Variants in SEMA3A observed in about 807,000 individuals in gnomAD.
SEMA3A encodes the protein semaphorin 3A.
In SEMA3A, 29 loss-of-function variants were observed where a neutral mutation model predicts 97.9. The observed-to-expected ratio is 0.30, with a 90% CI of 0.22 to 0.40. The LOEUF (loss-of-function observed/expected upper bound fraction) is 0.40. Among genes scored for constraint, SEMA3A ranks in the 10% least tolerant of loss-of-function variants. The pLI is 1.00. For missense variants in SEMA3A, 763 were observed against 951.3 expected (o/e 0.80, Z 2.60); for synonymous variants, 321 against 323.7 (o/e 0.99, Z 0.09).
intron 1 of SEMA3A, among the ~76,000 whole-genome samples, chr7:84,393,795 A>G (rs1646642924): frequency 6.6e-6 from 1 of 152,114 alleles, no homozygotes; most frequent in South Asian, 2.1e-4. Flanking sequence ...TGTATCTTCC[A>G]TGAAAAATGA....
At chr7:84,249,066 G>C (rs1799539099) in intron 3 of SEMA3A, among the ~76,000 whole-genome samples, 1 of 152,126 alleles carries the variant, frequency 6.6e-6, no homozygotes, top group Non-Finnish European at 1.5e-5. Context: ...TCGCTTCCCT[G>C]TTTCAGAAGA....
intron 3 of SEMA3A, among the ~76,000 whole-genome samples, chr7:84,255,695 T>C (rs1261850684): frequency 1.3e-5 from 2 of 152,064 alleles, no homozygotes; most frequent in African/African-American, 4.8e-5. Flanking sequence ...ACATTCATTA[T>C]CAGCCTCATT....
intron 2 of SEMA3A, among the ~76,000 whole-genome samples, chr7:84,313,315 G>A (rs1308159073): frequency 4.9e-5 from 6 of 122,126 alleles, no homozygotes; most frequent in African/African-American, 9.5e-5. Flanking sequence ...TATTATATAC[G>A]TGTGTATATA....
chr7:84,249,368 C>CTATCTATCTATCT (rs141713074), intron 3 of SEMA3A, among the ~76,000 whole-genome samples: 1 of 143,140 alleles, frequency 7.0e-6, no homozygotes, highest in Non-Finnish European at 1.5e-5. Flanking sequence ...CTCTGTCTAT[C>CTATCTATCTATCT]ATCTATCTAT....
At chr7:84,488,304 G>C (rs1806631570) in intron 1 of SEMA3A, among the ~76,000 whole-genome samples, 1 of 131,282 alleles carries the variant, frequency 7.6e-6, no homozygotes, top group South Asian at 2.4e-4. Flanking sequence ...TTCCAGCTAT[G>C]TTTCTTCGTA....
chr7:84,011,500 C>CT (rs1436993933), intron 7 of SEMA3A, among the ~76,000 whole-genome samples: 1 of 151,970 alleles, frequency 6.6e-6, no homozygotes, highest in African/African-American at 2.4e-5. Context: ...GCTTTTTTGA[C>CT]TTTTTAAGGG....
chr7:84,401,891 T>A (rs1420830633), intron 1 of SEMA3A, among the ~76,000 whole-genome samples: 1 of 152,116 alleles, frequency 6.6e-6, no homozygotes, highest in East Asian at 1.9e-4. Flanking sequence ...GACCTGAAAC[T>A]ATGAAACTAT....
chr7:84,098,674 TG>T (rs1208488076), intron 4 of SEMA3A, among the ~76,000 whole-genome samples: 5 of 152,256 alleles, frequency 3.3e-5, no homozygotes, highest in African/African-American at 1.2e-4. Flanking sequence ...CAAATTGTAA[TG>T]GATTTAACTT....
chr7:84,026,350 C>T (rs1231410958), intron 6 of SEMA3A, among the ~76,000 whole-genome samples: 1 of 152,130 alleles, frequency 6.6e-6, no homozygotes, highest in East Asian at 1.9e-4. Context: ...TACCAATTCT[C>T]TACTAATAAT....
At chr7:84,030,782 CCTAG>C (rs1791717655) in intron 6 of SEMA3A, among the ~76,000 whole-genome samples, 1 of 152,038 alleles carries the variant, frequency 6.6e-6, no homozygotes, top group Admixed American at 6.6e-5. Flanking sequence ...TTCTTCTTCT[CCTAG>C]CTAACATATT....
Position 83,961,565 on chromosome 7 carries a change from G to T in SEMA3A, c.2122C>A (p.Gln708Lys), listed in dbSNP as rs1215402051. The T allele has an allele frequency of 6.2e-7, 1 of 1,614,084 alleles. No homozygotes were observed. The highest frequency in any genetic ancestry group is 8.5e-7 in the Non-Finnish European group (1 of 1,179,972). Residue 708 changes from glutamine to lysine, a missense_variant, in exon 17 of 17, where the codon CAG becomes AAG. Around this residue, in one of 2 missense-constraint regions of SEMA3A, gnomAD observed 678 missense variants for 881.3 expected, o/e 0.77. Transcript: ENST00000265362. ...TTGAGATTGGGGTGGTTGATGAGCT[G>T]CATGAAGTCTCTGTACCAGACCTTC... is the stretch of plus-strand genomic sequence containing the variant. Reference protein sequence around the residue: ...SQKVWYRDFMQLINHPNLNTM... With the variant: ...SQKVWYRDFMKLINHPNLNTM...
At chr7:84,015,219 C>T (rs572186173) in intron 6 of SEMA3A, among the ~76,000 whole-genome samples, 2 of 151,770 alleles carry the variant, frequency 1.3e-5, no homozygotes, top group East Asian at 3.9e-4. Context: ...GTCTCCCCTG[C>T]CACCCCAGTG....
intron 3 of SEMA3A, among the ~76,000 whole-genome samples, chr7:84,224,218 C>T (rs1198841005): frequency 6.6e-6 from 1 of 151,876 alleles, no homozygotes; most frequent in Non-Finnish European, 1.5e-5. Flanking sequence ...ATTAAAGTGA[C>T]CTATGTAAGA....
chr7:84,194,107 A>C (rs1798136032), intron 1 of SEMA3A, among the ~76,000 whole-genome samples: 1 of 152,152 alleles, frequency 6.6e-6, no homozygotes, highest in Non-Finnish European at 1.5e-5. Context: ...TAAGGCATGC[A>C]CATCTACAAA....
chr7:84,282,995 T>C (rs1197080492), intron 3 of SEMA3A, among the ~76,000 whole-genome samples: 2 of 151,846 alleles, frequency 1.3e-5, no homozygotes, highest in East Asian at 1.9e-4. Context: ...GCCTGGGCAA[T>C]AGAGTAAGAC....
At chr7:84,207,000 T>A (rs1270455479) in intron 3 of SEMA3A, among the ~76,000 whole-genome samples, 1 of 152,218 alleles carries the variant, frequency 6.6e-6, no homozygotes, top group Non-Finnish European at 1.5e-5. Context: ...ATCCTAATTA[T>A]AGGCACCCAA....
At chr7:84,182,500 G>T (rs1315976480) in intron 1 of SEMA3A, among the ~76,000 whole-genome samples, 5 of 152,080 alleles carry the variant, frequency 3.3e-5, no homozygotes, top group Admixed American at 6.6e-5. Context: ...AGTCTGAGAT[G>T]CAGCCAATCC....
intron 3 of SEMA3A, among the ~76,000 whole-genome samples, chr7:84,286,710 C>CA (rs888993574): frequency 1.3e-4 from 20 of 151,544 alleles, no homozygotes; most frequent in Non-Finnish European, 1.9e-4. Context: ...CTTTCCCCAC[C>CA]AAAAAAAACC....
chr7:84,166,623 A>C (rs993758846), intron 1 of SEMA3A, among the ~76,000 whole-genome samples: 1 of 151,672 alleles, frequency 6.6e-6, no homozygotes, highest in African/African-American at 2.4e-5. Context: ...CTGTAATCCC[A>C]GCCCTTTGGG....
Sources: allele counts gnomAD v4.1 joint callset (sites outside exome capture counted in the v4.1 genomes callset), GRCh38; gene constraint gnomAD v4.1.1; regional missense constraint gnomAD v4.1.1; transcripts MANE v1.5; gene names NCBI Gene and HGNC (gene_info 2026-07-23, HGNC 2026-07-21).